Variants in TTLL5 observed in about 807,000 individuals in gnomAD.
TTLL5 encodes the protein tubulin tyrosine ligase like 5.
In TTLL5, 132 loss-of-function variants were observed where a neutral mutation model predicts 168.4. That is an observed-to-expected ratio of 0.78 (90% confidence interval 0.68 to 0.91). The LOEUF (loss-of-function observed/expected upper bound fraction) is 0.91, where lower values mean the gene tolerates loss of function less well. Among genes scored for constraint, TTLL5 ranks in the 40% least tolerant of loss-of-function variants. The pLI, the probability that TTLL5 is intolerant of heterozygous loss-of-function variation, is 0.00. For synonymous variants in TTLL5, 546 were observed against 558.6 expected (o/e 0.98, Z 0.32); for missense variants, 1,545 against 1,581.5 (o/e 0.98, Z 0.39).
At chr14:75,815,584 G>A (rs868122958) in intron 27 of TTLL5, among the ~76,000 whole-genome samples, 2 of 152,266 alleles carry the variant, frequency 1.3e-5, no homozygotes, top group Middle Eastern at 3.4e-3. Flanking sequence ...GTCTTCTGAT[G>A]AAAGATAACA....
rs193051226 is a variant in TTLL5 at position 75,677,828 on chromosome 14, C to T, written c.182-3717C>T. ...TTTTTTTTTGTTAGTGACGAGGTCT[C>T]GCTATGTTGCCCTGGCCGATCTTGA... On this transcript the variant is annotated intron_variant, in intron 3 of 31. Transcript: ENST00000298832. 6.2e-4 allele frequency among the ~76,000 whole-genome samples: 93 copies of T among 151,056 alleles called. 1 individual carries two copies. The highest frequency in any genetic ancestry group is 6.1e-3 in the Admixed American group (92 of 15,178).
intron 27 of TTLL5, among the ~76,000 whole-genome samples, chr14:75,818,746 G>T (rs918670954): frequency 1.3e-5 from 2 of 149,234 alleles, no homozygotes; most frequent in Admixed American, 1.4e-4. Context: ...TGATCCACCC[G>T]CCTCAGCCTC....
At chr14:75,822,378 T>G (rs992662515) in intron 28 of TTLL5, among the ~76,000 whole-genome samples, 2 of 152,184 alleles carry the variant, frequency 1.3e-5, no homozygotes, top group Non-Finnish European at 2.9e-5. Flanking sequence ...TTTTGAGAGC[T>G]TTTAGATTGC....
chr14:75,822,799 G>A (rs1392792399), intron 28 of TTLL5, among the ~76,000 whole-genome samples: 9 of 152,138 alleles, frequency 5.9e-5, no homozygotes, highest in Admixed American at 5.9e-4. Flanking sequence ...TGTAAGCTCA[G>A]CCCAGCGCCT....
intron 27 of TTLL5, among the ~76,000 whole-genome samples, chr14:75,794,109 G>A (rs528128672): frequency 6.6e-6 from 1 of 152,132 alleles, no homozygotes; most frequent in Non-Finnish European, 1.5e-5. Context: ...TCATCCCAGC[G>A]TGTGAAGCAG....
chr14:75,702,616 C>G (rs1026510189), intron 7 of TTLL5, among the ~76,000 whole-genome samples: 6 of 152,000 alleles, frequency 3.9e-5, no homozygotes, highest in African/African-American at 9.7e-5. Context: ...AGCCGAGAAC[C>G]CTGCGCCCTA....
intron 31 of TTLL5, among the ~76,000 whole-genome samples, chr14:75,928,483 C>T (rs2140161292): frequency 6.6e-6 from 1 of 151,508 alleles, no homozygotes; most frequent in South Asian, 2.1e-4. Context: ...CAGACACGCA[C>T]TGAGCCACTT....
intron 29 of TTLL5, among the ~76,000 whole-genome samples, chr14:75,868,923 A>G (rs1465765654): frequency 6.6e-6 from 1 of 151,986 alleles, no homozygotes; most frequent in Admixed American, 6.6e-5. Context: ...AAGAGCAGGC[A>G]AACAGTCTAG....
At chr14:75,808,181 A>T (rs1893768497) in intron 27 of TTLL5, among the ~76,000 whole-genome samples, 2 of 152,180 alleles carry the variant, frequency 1.3e-5, no homozygotes, top group South Asian at 2.1e-4. Flanking sequence ...GCAAATCTTG[A>T]TCTGGAACTC....
chr14:75,734,414 A>G (rs949875043), intron 14 of TTLL5, among the ~76,000 whole-genome samples: 3 of 152,230 alleles, frequency 2.0e-5, no homozygotes, highest in African/African-American at 7.2e-5. Context: ...ACTGGTCTCA[A>G]CGTGATCCCT....
intron 3 of TTLL5, among the ~76,000 whole-genome samples, chr14:75,677,387 T>C (rs1884246053): frequency 2.2e-5 from 3 of 136,480 alleles, no homozygotes; most frequent in African/African-American, 5.4e-5. Flanking sequence ...TCTCTCTCTC[T>C]CTCTTTTTTT....
intron 29 of TTLL5, among the ~76,000 whole-genome samples, chr14:75,868,039 C>T (rs573413952): frequency 9.2e-5 from 14 of 152,108 alleles, no homozygotes; most frequent in South Asian, 6.2e-4. Flanking sequence ...AGGGCTGCAC[C>T]GGCTGTGAGG....
chr14:75,746,173 T>C (rs897041169), intron 17 of TTLL5, among the ~76,000 whole-genome samples: 40 of 152,244 alleles, frequency 2.6e-4, no homozygotes, highest in Non-Finnish European at 5.3e-4. Flanking sequence ...CAGTATGTAC[T>C]CTTTTGTATC....
intron 20 of TTLL5, among the ~76,000 whole-genome samples, chr14:75,771,008 T>G (rs1301449301): frequency 9.9e-5 from 15 of 152,226 alleles, no homozygotes; most frequent in Admixed American, 9.8e-4. Context: ...CACTTTTGCT[T>G]TTGTACTAAC....
intron 20 of TTLL5, among the ~76,000 whole-genome samples, chr14:75,770,180 A>G (rs369412248): frequency 6.6e-3 from 20 of 3,028 alleles, no homozygotes; most frequent in South Asian, 0.011. Context: ...CTCTGTCTCG[A>G]AAAAAAAAAA....
At chr14:75,845,785 C>T (rs944621265) in intron 28 of TTLL5, among the ~76,000 whole-genome samples, 7 of 152,182 alleles carry the variant, frequency 4.6e-5, no homozygotes, top group Admixed American at 3.3e-4. Flanking sequence ...GATGTGAAAG[C>T]TCATGTTCTT....
chr14:75,923,038 G>A (rs1004105926), intron 31 of TTLL5, among the ~76,000 whole-genome samples: 3 of 152,146 alleles, frequency 2.0e-5, no homozygotes, highest in African/African-American at 7.2e-5. Flanking sequence ...GTATTTCTGT[G>A]GGATCAGTGG....
chr14:75,773,947 G>GAA (rs1566598081), intron 21 of TTLL5, among the ~76,000 whole-genome samples: 1 of 43,916 alleles, frequency 2.3e-5, no homozygotes, highest in African/African-American at 6.9e-5. Flanking sequence ...GAGAGAGAGA[G>GAA]AGAGAGAGAA....
chr14:75,765,961 G>T, intron 19 of TTLL5, 101 bp from the exon 20 acceptor site: 1 of 970,762 alleles, frequency 1.0e-6, no homozygotes, highest in Non-Finnish European at 1.5e-6. Context: ...TTTGTGGTTT[G>T]GTTTAGAAAT....
Sources: gnomAD v4.1 joint callset for allele counts (sites outside exome capture counted in the v4.1 genomes callset) on GRCh38, gnomAD v4.1.1 for gene constraint, MANE v1.5 for transcripts, NCBI Gene and HGNC (gene_info 2026-07-23, HGNC 2026-07-21) for gene names.